The following KCND3 variants were observed in gnomAD, a reference collection of about 807,000 sequenced individuals.
KCND3 encodes the protein potassium voltage-gated channel subfamily D member 3, also known as A-type voltage-gated potassium channel KCND3.
Under a neutral mutation model 51.1 loss-of-function variants are expected in KCND3, and 9 were observed. That is an observed-to-expected ratio of 0.18 (90% CI 0.11 to 0.31). KCND3 has a LOEUF of 0.31. Among genes scored for constraint, KCND3 ranks in the 10% least tolerant of loss-of-function variants. KCND3 has a pLI of 1.00. For missense variants in KCND3, 526 were observed against 903.8 expected (o/e 0.58, Z 5.36); for synonymous variants, 349 against 368.0 (o/e 0.95, Z 0.59).
intron 2 of KCND3, among the ~76,000 whole-genome samples, chr1:111,868,412 C>T (rs1668676938): frequency 6.8e-6 from 1 of 147,878 alleles, no homozygotes; most frequent in African/African-American, 2.7e-5. Context: ...ACACCCAAAA[C>T]ACAAGAGTAC....
chr1:111,925,302 T>C (rs974126201), intron 2 of KCND3, among the ~76,000 whole-genome samples: 2 of 152,224 alleles, frequency 1.3e-5, no homozygotes, highest in African/African-American at 4.8e-5. Flanking sequence ...CTGTTTCTGC[T>C]GTACATATGA....
intron 2 of KCND3, among the ~76,000 whole-genome samples, chr1:111,955,790 C>T (rs1372375387): frequency 6.6e-6 from 1 of 152,196 alleles, no homozygotes; most frequent in Non-Finnish European, 1.5e-5. Context: ...GTTCAACACC[C>T]TACATGACCA....
chr1:111,941,953 T>A (rs1672542444), intron 2 of KCND3, among the ~76,000 whole-genome samples: 1 of 152,162 alleles, frequency 6.6e-6, no homozygotes, highest in African/African-American at 2.4e-5. Flanking sequence ...CTGCCAATAA[T>A]CATCCGATCA....
intron 2 of KCND3, among the ~76,000 whole-genome samples, chr1:111,806,329 C>T (rs1189020678): frequency 1.3e-5 from 2 of 152,178 alleles, no homozygotes; most frequent in Admixed American, 6.5e-5. Flanking sequence ...CCTCACGGCC[C>T]GGCCCTCCCA....
At chr1:111,843,705 C>T (rs1348909599) in intron 2 of KCND3, among the ~76,000 whole-genome samples, 1 of 152,152 alleles carries the variant, frequency 6.6e-6, no homozygotes, top group African/African-American at 2.4e-5. Context: ...GAGAATAGAA[C>T]TAGGGTTGCA....
rs572955245 is a variant in KCND3 at position 111,960,062 on chromosome 1, C to T, written c.1106+21559G>A. Among the ~76,000 whole-genome samples, 13 of 152,046 alleles carry T rather than the reference C, an allele frequency of 8.6e-5. No individual in the cohort carries two copies. The South Asian group carries it at 2.1e-3, about 24-fold the overall frequency. On this transcript the variant is annotated intron_variant, in intron 2 of 7. Coordinates refer to ENST00000302127, the MANE Select transcript of KCND3 (RefSeq NM_001378969.1). ...AAAAAGAAAAAAAAAAAAGCGTTTG[C>T]TTCCCCTTCCACCATGATTGTAAGT...
chr1:111,838,418 G>A (rs548828040), intron 2 of KCND3, among the ~76,000 whole-genome samples: 114 of 152,288 alleles, frequency 7.5e-4, no homozygotes, highest in Non-Finnish European at 1.5e-3. Context: ...AGCGCGTTGG[G>A]AGGCCAAGGC....
At position 111,803,278 on chromosome 1, in the gene KCND3, A is replaced by G. The variant is rs368601016; in HGVS notation, c.1107-16172T>C. On this transcript the variant is annotated intron_variant, in intron 2 of 7. Coordinates refer to ENST00000302127, the MANE Select transcript of KCND3 (RefSeq NM_001378969.1). Reference sequence around the variant, plus strand: ...GCCTGGGACACCTCTGCCTCTCCACAGCCTCGCACAGCACCTGCCATGCTG... The same window carrying G: ...GCCTGGGACACCTCTGCCTCTCCACGGCCTCGCACAGCACCTGCCATGCTG... Among the ~76,000 whole-genome samples, 176 of 152,088 alleles carry G rather than the reference A, an allele frequency of 1.2e-3. 1 individual carries two copies. The highest frequency in any genetic ancestry group is 6.8e-3 in the Middle Eastern group (2 of 294).
Position 111,780,733 on chromosome 1 carries a change from T to G in KCND3, c.1328A>C (p.His443Pro), listed in dbSNP as rs1664345166. 1.2e-6 allele frequency: 2 copies of G among 1,613,262 alleles called. No individual in the cohort carries two copies. Among genetic ancestry groups the G allele is most frequent in the Non-Finnish European group, 1.7e-6 (2 of 1,179,824 alleles). ...AKTGSSNAYLHSKRNGLLNEA... is the reference protein window; with the variant it reads ...AKTGSSNAYLPSKRNGLLNEA... ...GTTGAGGAGCCCGTTGCGCTTGCTGTGCAGGTATGCATTCGAACTGCCTGT... is the reference window on the plus strand; with the variant it reads ...GTTGAGGAGCCCGTTGCGCTTGCTGGGCAGGTATGCATTCGAACTGCCTGT... The change falls in exon 4 of 8, where the codon CAC becomes CCC. Residue 443 changes from histidine to proline, a missense_variant. Physicochemically the swap from His to Pro is moderately conservative, Grantham distance 77. This residue lies in a region of KCND3 where 266 missense variants were observed against 305.5 expected (regional missense o/e 0.87). Coordinates refer to ENST00000302127, the MANE Select transcript of KCND3 (RefSeq NM_001378969.1). The surrounding 1 kb of genome is among the most constrained non-coding windows in gnomAD (Gnocchi z 4.2).
intron 2 of KCND3, among the ~76,000 whole-genome samples, chr1:111,881,356 ATGCACACTTGAGCTTGGCAGCCAAGTG>A (rs1449724735): frequency 2.0e-5 from 3 of 152,142 alleles, no homozygotes; most frequent in Non-Finnish European, 2.9e-5. Flanking sequence ...GTGCTTTCAG[ATGCACACTTGAGCTTGGCAGCCAAGTG>A]TGCACCTGCC....
intron 2 of KCND3, among the ~76,000 whole-genome samples, chr1:111,861,254 G>A (rs1346343429): frequency 6.6e-6 from 1 of 152,122 alleles, no homozygotes; most frequent in East Asian, 1.9e-4. Flanking sequence ...CCCAGGAGAG[G>A]CCCTGTCCAG....
At chr1:111,848,374 G>A (rs951247829) in intron 2 of KCND3, among the ~76,000 whole-genome samples, 1 of 152,192 alleles carries the variant, frequency 6.6e-6, no homozygotes, top group Admixed American at 6.5e-5. Context: ...CTGCATTCGA[G>A]AAAGTCCAAT....
At position 111,771,730 on chromosome 1, in the gene KCND3, A is replaced by T. The variant is rs951255075; in HGVS notation, c.*4347T>A. On this transcript the variant is annotated 3_prime_UTR_variant, in exon 8 of 8. Coordinates refer to ENST00000302127, the MANE Select transcript of KCND3 (RefSeq NM_001378969.1). ...CCACAAGTTGACATTTTTGTTAATT[A>T]TAGATCGGCATTAACTGTCAACTTT... 6.6e-6 allele frequency: 1 copy of T among 152,230 alleles called. No homozygotes were observed. Among genetic ancestry groups the T allele is most frequent in the Non-Finnish European group, 1.5e-5 (1 of 68,034 alleles). The allele number at this position is 152,230 out of a possible 1,614,324, so 9.4% of individuals were successfully genotyped here. A position where few individuals can be genotyped will look rare whatever the true frequency, so the allele number is the denominator to read the frequency against.
At chr1:111,909,816 G>A (rs1177740299) in intron 2 of KCND3, 1 of 152,118 alleles carries the variant, frequency 6.6e-6, no homozygotes, top group Admixed American at 6.5e-5. Flanking sequence ...TATGAGATGG[G>A]GATTATAATA....
intron 2 of KCND3, among the ~76,000 whole-genome samples, chr1:111,947,664 A>G (rs574567048): frequency 1.3e-5 from 2 of 152,318 alleles, no homozygotes; most frequent in South Asian, 4.1e-4. Flanking sequence ...TAAAACAAGA[A>G]GGCATTTTCA....
chr1:111,919,385 G>T (rs989730623), intron 2 of KCND3, among the ~76,000 whole-genome samples: 2 of 151,974 alleles, frequency 1.3e-5, no homozygotes, highest in African/African-American at 4.8e-5. Context: ...CTCTCCAAGG[G>T]TGTGACCTTT....
At chr1:111,880,907 G>A (rs1669273385) in intron 2 of KCND3, among the ~76,000 whole-genome samples, 2 of 152,124 alleles carry the variant, frequency 1.3e-5, no homozygotes, top group East Asian at 1.9e-4. Context: ...GGAAGCTCTC[G>A]GTCCGTCCCA....
chr1:111,915,649 A>C (rs2101825513), intron 2 of KCND3, among the ~76,000 whole-genome samples: 1 of 150,524 alleles, frequency 6.6e-6, no homozygotes, highest in African/African-American at 2.4e-5. Context: ...GCTACTCGGG[A>C]GGCTGAGGCA....
intron 2 of KCND3, among the ~76,000 whole-genome samples, chr1:111,795,841 A>G (rs187978666): frequency 6.4e-4 from 97 of 152,362 alleles, no homozygotes; most frequent in East Asian, 2.1e-3. Context: ...CAACCTCACC[A>G]GCATCTATTA....
Sources: gnomAD v4.1 joint callset for allele counts (sites outside exome capture counted in the v4.1 genomes callset) on GRCh38, gnomAD v4.1.1 for gene constraint, gnomAD v4.1.1 regional missense constraint, Gnocchi (gnomAD v3.1) non-coding constraint, MANE v1.5 for transcripts, NCBI Gene and HGNC (gene_info 2026-07-23, HGNC 2026-07-21) for gene names.